PDE1C: variants seen among roughly 807,000 people sequenced by gnomAD.
The protein encoded by PDE1C is phosphodiesterase 1C, also known as dual specificity calcium/calmodulin-dependent 3',5'-cyclic nucleotide phosphodiesterase 1C.
Under a neutral mutation model 93.1 loss-of-function variants are expected in PDE1C, and 62 were observed. The ratio of observed to expected loss-of-function variants is 0.67; its 90% CI spans 0.54 to 0.82. The LOEUF (loss-of-function observed/expected upper bound fraction) is 0.82. Among genes scored for constraint, PDE1C ranks in the 40% least tolerant of loss-of-function variants. The pLI, the probability that PDE1C is intolerant of heterozygous loss-of-function variation, is 0.00. For synonymous variants in PDE1C, 325 were observed against 310.1 expected (o/e 1.05, Z -0.50); for missense variants, 742 against 884.6 (o/e 0.84, Z 2.04).
At chr7:32,250,544 C>A (rs191160874) in intron 1 of PDE1C, among the ~76,000 whole-genome samples, 27 of 152,302 alleles carry the variant, frequency 1.8e-4, no homozygotes, top group African/African-American at 6.5e-4. Flanking sequence ...GGCTCTAATT[C>A]CCTACCTAAT....
intron 1 of PDE1C, among the ~76,000 whole-genome samples, chr7:32,415,877 G>T (rs1474254013): frequency 6.6e-6 from 1 of 152,336 alleles, no homozygotes; most frequent in East Asian, 1.9e-4. Flanking sequence ...TGCAAAAGAA[G>T]AGTGCCCCCT....
chr7:31,697,460 G>T, the PDE1C span, among the ~76,000 whole-genome samples: 1 of 152,164 alleles, frequency 6.6e-6, no homozygotes, highest in Non-Finnish European at 1.5e-5. Flanking sequence ...TCTTATGGCT[G>T]GTTCTCCTGA....
intron 16 of PDE1C, chr7:31,786,981 T>C (rs1784070196): frequency 6.6e-6 from 1 of 151,572 alleles, no homozygotes; most frequent in Non-Finnish European, 1.5e-5. Flanking sequence ...TCTATCTACC[T>C]ACCTACCTAT....
intron 1 of PDE1C, among the ~76,000 whole-genome samples, chr7:32,421,904 G>A (rs1029551928): frequency 1.3e-5 from 2 of 152,136 alleles, no homozygotes; most frequent in Non-Finnish European, 2.9e-5. Context: ...ACCACTGATG[G>A]CTAGGCAGGT....
At chr7:32,313,695 T>C (rs1585104006) in intron 1 of PDE1C, among the ~76,000 whole-genome samples, 1 of 145,186 alleles carries the variant, frequency 6.9e-6, no homozygotes, top group African/African-American at 2.5e-5. Context: ...TAGGTGGGAA[T>C]TGAACCATGA....
chr7:31,710,102 T>C, the PDE1C span, among the ~76,000 whole-genome samples: 3 of 152,176 alleles, frequency 2.0e-5, no homozygotes, highest in African/African-American at 7.2e-5. Context: ...TGAGCTGTGA[T>C]TGTGCCACTG....
chr7:32,098,899 T>A (rs537346599), intron 3 of PDE1C, among the ~76,000 whole-genome samples: 58 of 151,988 alleles, frequency 3.8e-4, no homozygotes, highest in Non-Finnish European at 6.9e-4. Flanking sequence ...AGGACAGGAG[T>A]CTCAGTTTAG....
At chr7:32,081,568 A>G (rs764396883) in intron 3 of PDE1C, among the ~76,000 whole-genome samples, 2 of 152,172 alleles carry the variant, frequency 1.3e-5, no homozygotes, top group Admixed American at 6.5e-5. Context: ...TCAGAATCTA[A>G]TCACTCTGCC....
intron 1 of PDE1C, among the ~76,000 whole-genome samples, chr7:32,381,382 C>T (rs1042570193): frequency 6.6e-6 from 1 of 152,060 alleles, no homozygotes; most frequent in Non-Finnish European, 1.5e-5. Context: ...CACAGCTCTG[C>T]TCAACTCACC....
the PDE1C span, among the ~76,000 whole-genome samples, chr7:31,709,950 G>A: frequency 6.6e-6 from 1 of 152,090 alleles, no homozygotes; most frequent in African/African-American, 2.4e-5. Flanking sequence ...AGGAGCTCCA[G>A]ATCAGCCTGG....
At chr7:31,736,508 A>G in the PDE1C span, among the ~76,000 whole-genome samples, 1 of 151,934 alleles carries the variant, frequency 6.6e-6, no homozygotes, top group African/African-American at 2.4e-5. Flanking sequence ...GCCAGCCTCC[A>G]TTCTTCTCTA....
At chr7:32,173,255 C>G (rs1189671517) in intron 2 of PDE1C, among the ~76,000 whole-genome samples, 1 of 151,986 alleles carries the variant, frequency 6.6e-6, no homozygotes, top group Non-Finnish European at 1.5e-5. Context: ...GCAAACTAAC[C>G]CAGGAACAGA....
At chr7:32,363,936 A>G (rs1164914344) in intron 1 of PDE1C, among the ~76,000 whole-genome samples, 1 of 152,240 alleles carries the variant, frequency 6.6e-6, no homozygotes, top group Non-Finnish European at 1.5e-5. Context: ...CCTCATAACA[A>G]TTCTATTGAC....
At chr7:31,862,371 T>C (rs369506514) in intron 7 of PDE1C, among the ~76,000 whole-genome samples, 25 of 98,322 alleles carry the variant, frequency 2.5e-4, no homozygotes, top group South Asian at 8.9e-4. Context: ...AACTGAATGC[T>C]ATAGGCTGGG....
At chr7:31,674,518 T>G in the PDE1C span, among the ~76,000 whole-genome samples, 1 of 152,102 alleles carries the variant, frequency 6.6e-6, no homozygotes, top group Non-Finnish European at 1.5e-5. Flanking sequence ...TTGCTAGATA[T>G]CAATAAAGAT....
chr7:32,047,504 A>G (rs1245816322), intron 2 of PDE1C, among the ~76,000 whole-genome samples: 1 of 152,182 alleles, frequency 6.6e-6, no homozygotes, highest in Non-Finnish European at 1.5e-5. Context: ...AAGAGGACTT[A>G]TGAAATCACT....
At chr7:32,337,571 G>A (rs575545151) in intron 1 of PDE1C, among the ~76,000 whole-genome samples, 12 of 152,230 alleles carry the variant, frequency 7.9e-5, no homozygotes, top group African/African-American at 9.6e-5. Context: ...CATTTAATAC[G>A]CCTATTAGAT....
chr7:32,213,621 C>T (rs1397685055), intron 1 of PDE1C, among the ~76,000 whole-genome samples: 1 of 152,174 alleles, frequency 6.6e-6, no homozygotes, highest in Non-Finnish European at 1.5e-5. Flanking sequence ...GGCACAGGAG[C>T]CCTCAAACAC....
chr7:32,194,605 T>G (rs536742479), intron 2 of PDE1C, among the ~76,000 whole-genome samples: 1 of 152,234 alleles, frequency 6.6e-6, no homozygotes, highest in Non-Finnish European at 1.5e-5. Context: ...GATGTTAATA[T>G]AGCCACTACA....
Sources: allele counts gnomAD v4.1 joint callset (sites outside exome capture counted in the v4.1 genomes callset), GRCh38; gene constraint gnomAD v4.1.1; transcripts MANE v1.5; gene names NCBI Gene and HGNC (gene_info 2026-07-23, HGNC 2026-07-21).